The following ALPK2 variants were observed in gnomAD, a reference collection of about 807,000 sequenced individuals.
ALPK2 encodes alpha kinase 2.
In ALPK2, 127 loss-of-function variants were observed where a neutral mutation model predicts 163.1. That is an observed-to-expected ratio of 0.78 (90% CI 0.67 to 0.90). The LOEUF (loss-of-function observed/expected upper bound fraction) is 0.90, where lower values mean the gene tolerates loss of function less well. Ranked by LOEUF, ALPK2 falls within the 40% of genes least tolerant of loss-of-function variation. The pLI is 0.00. For synonymous variants in ALPK2, 953 were observed against 959.1 expected, an observed-to-expected ratio of 0.99 and a Z score of 0.12; for missense variants, 2,360 against 2,589.6, an observed-to-expected ratio of 0.91 and a Z score of 1.92.
intron 1 of ALPK2, among the ~76,000 whole-genome samples, chr18:58,627,684 T>C (rs2052239339): frequency 6.6e-6 from 1 of 152,182 alleles, no homozygotes; most frequent in South Asian, 2.1e-4. Flanking sequence ...ATTTGGGAGC[T>C]AAAGTTCATT....
In ALPK2 at chr18:58,618,171, G is replaced by A. The variant is rs539844342; in HGVS notation, c.-20-6354C>T. On this transcript the variant is annotated intron_variant, in intron 1 of 12. Coordinates refer to ENST00000361673, the MANE Select transcript of ALPK2 (RefSeq NM_052947.4). ...AGTGACTCTCCTGCCTCAGCCTCCT[G>A]AGTAGCTGGGATCACAGGCACAAGC... Among the ~76,000 whole-genome samples the A allele has an allele frequency of 6.6e-5, 10 of 152,294 alleles. No individual in the cohort carries two copies. In the East Asian group the frequency reaches 1.5e-3, roughly 24 times the overall value.
chr18:58,536,777 AC>A lies in ALPK2; in HGVS notation c.3409del (p.Val1137SerfsTer72). ...CTGCTGGGACAGGCTCTGCTGCTGG[AC>A]CCCCTGCTTTGTTTCACTTCCTCTT... ...QERGSETKQG[V>X]QQQSLSQQGS... On this transcript the variant is annotated frameshift_variant, in exon 5 of 13. Coordinates refer to ENST00000361673, the MANE Select transcript of ALPK2 (RefSeq NM_052947.4). The A allele has an allele frequency of 6.2e-7, 1 of 1,613,804 alleles. No homozygotes were observed. The highest frequency in any genetic ancestry group is 1.3e-5 in the African/African-American group (1 of 74,914).
chr18:58,594,819 CCTCCCACCTT>C (rs2052033074), intron 3 of ALPK2, among the ~76,000 whole-genome samples: 2 of 152,318 alleles, frequency 1.3e-5, no homozygotes, highest in East Asian at 3.9e-4. Context: ...CTGGCCGCTT[CCTCCCACCTT>C]CTGCAGGACC....
intron 8 of ALPK2, among the ~76,000 whole-genome samples, chr18:58,521,439 T>C (rs1568073222): frequency 6.6e-6 from 1 of 152,080 alleles, no homozygotes; most frequent in East Asian, 1.9e-4. Flanking sequence ...TTTTGCATAT[T>C]TTGCCTTCTG....
chr18:58,488,020 A>C (rs1442179397), intron 12 of ALPK2, among the ~76,000 whole-genome samples: 6 of 152,002 alleles, frequency 3.9e-5, no homozygotes, highest in Non-Finnish European at 8.8e-5. Flanking sequence ...AATTTTCTGC[A>C]TTTCTACCAG....
intron 4 of ALPK2, chr18:58,556,962 C>T (rs1486257469): frequency 1.3e-5 from 2 of 152,298 alleles, no homozygotes; most frequent in Admixed American, 6.5e-5. Flanking sequence ...TCTCCTAAGC[C>T]CAATAACCTG....
intron 11 of ALPK2, among the ~76,000 whole-genome samples, chr18:58,499,790 T>C (rs1428986693): frequency 1.3e-5 from 2 of 152,254 alleles, no homozygotes; most frequent in Non-Finnish European, 1.5e-5. Flanking sequence ...AGCACGTGAC[T>C]TGCCCATGGA....
intron 8 of ALPK2, 74 bp from the exon 9 acceptor site, chr18:58,517,256 G>A: frequency 6.7e-7 from 1 of 1,499,276 alleles, no homozygotes; most frequent in Non-Finnish European, 9.0e-7. Context: ...ACATGGGGAG[G>A]GTCCCCACAT....
chr18:58,627,785 G>A (rs890108089), intron 1 of ALPK2, among the ~76,000 whole-genome samples: 2 of 152,140 alleles, frequency 1.3e-5, no homozygotes, highest in Non-Finnish European at 2.9e-5. Context: ...TTGTTGATTC[G>A]GAAGGTAACC....
At chr18:58,549,659 C>A (rs1216286807) in intron 4 of ALPK2, among the ~76,000 whole-genome samples, 1 of 152,226 alleles carries the variant, frequency 6.6e-6, no homozygotes, top group East Asian at 1.9e-4. Flanking sequence ...CCGATCCTGT[C>A]TTCCTCATGG....
At chr18:58,575,836 G>A (rs377404542) in intron 4 of ALPK2, among the ~76,000 whole-genome samples, 1 of 152,192 alleles carries the variant, frequency 6.6e-6, no homozygotes, top group African/African-American at 2.4e-5. Context: ...CAAGACAACA[G>A]CAAGATGGCC....
At position 58,483,304 on chromosome 18, in the gene ALPK2, A is replaced by G. The variant is rs552038126; in HGVS notation, c.6297-1265T>C. 5.3e-5 allele frequency among the ~76,000 whole-genome samples: 8 copies of G among 152,322 alleles called. No homozygotes were observed. The East Asian group carries it at 1.4e-3, about 26-fold the overall frequency. On this transcript the variant is annotated intron_variant, in intron 12 of 12. Coordinates refer to ENST00000361673, the MANE Select transcript of ALPK2 (RefSeq NM_052947.4). ...ACACTGCCAGCAGAGTAACCTCTACAAAACATAAGTCATATCTCCTGCTTA... is the reference window on the plus strand; with the variant it reads ...ACACTGCCAGCAGAGTAACCTCTACGAAACATAAGTCATATCTCCTGCTTA...
intron 4 of ALPK2, among the ~76,000 whole-genome samples, chr18:58,560,862 G>A (rs1449661458): frequency 6.6e-6 from 1 of 152,214 alleles, no homozygotes; most frequent in Non-Finnish European, 1.5e-5. Flanking sequence ...TGAGTTCTCA[G>A]GTAGTTAGAT....
chr18:58,525,396 G>A (rs1173632351), intron 6 of ALPK2, among the ~76,000 whole-genome samples: 3 of 152,210 alleles, frequency 2.0e-5, no homozygotes, highest in Non-Finnish European at 4.4e-5. Flanking sequence ...CTTGTGGAAA[G>A]TCCTTCTCCA....
intron 12 of ALPK2, among the ~76,000 whole-genome samples, chr18:58,485,306 A>G (rs2051332859): frequency 6.6e-6 from 1 of 152,204 alleles, no homozygotes; most frequent in Admixed American, 6.5e-5. Flanking sequence ...GGTAGAAACT[A>G]TAGAGGTCGA....
Position 58,536,340 on chromosome 18 carries a change from C to T in ALPK2, c.3847G>A (p.Ala1283Thr). The T allele has an allele frequency of 1.9e-6, 3 of 1,614,216 alleles. No individual in the cohort carries two copies. The highest frequency in any genetic ancestry group is 2.5e-6 in the Non-Finnish European group (3 of 1,180,038). Residue 1283 changes from alanine to threonine, a missense_variant, in exon 5 of 13, where the codon GCT becomes ACT. Coordinates refer to ENST00000361673, the MANE Select transcript of ALPK2 (RefSeq NM_052947.4). ...WAVPDSLKAD[A>T]VVPELAPSEI... ...GAGGGGGCCAATTCAGGCACAACAG[C>T]ATCTGCCTTTAGACTATCAGGTACA...
intron 10 of ALPK2, chr18:58,512,100 G>A (rs4286185): frequency 0.32 from 48,786 of 152,094 alleles, 7,974 homozygotes; most frequent in Admixed American, 0.37. Context: ...ACCCTCTGTC[G>A]TGCTTTGTCA....
intron 4 of ALPK2, chr18:58,578,335 C>T (rs777460267): frequency 6.5e-6 from 1 of 153,236 alleles, no homozygotes; most frequent in Non-Finnish European, 1.5e-5. Flanking sequence ...TCATTCATAC[C>T]ACAAATTCTG....
chr18:58,490,469 A>C (rs780039914), intron 12 of ALPK2, among the ~76,000 whole-genome samples: 46 of 151,614 alleles, frequency 3.0e-4, no homozygotes, highest in Non-Finnish European at 5.9e-4. Flanking sequence ...TCTCCCTCTG[A>C]ACAAAGTCCA....
Sources: gnomAD v4.1 joint callset for allele counts (sites outside exome capture counted in the v4.1 genomes callset) on GRCh38, gnomAD v4.1.1 for gene constraint, MANE v1.5 for transcripts, NCBI Gene and HGNC (gene_info 2026-07-23, HGNC 2026-07-21) for gene names.